Variants in KLHL2 observed in about 807,000 individuals in gnomAD.
KLHL2 encodes kelch-like protein 2.
KLHL2 carries 15 observed loss-of-function variants against 75.8 expected under a neutral mutation model. That is an observed-to-expected ratio of 0.20 (90% CI 0.13 to 0.30). The LOEUF (loss-of-function observed/expected upper bound fraction) is 0.30, where lower values mean the gene tolerates loss of function less well. Ranked by LOEUF, KLHL2 falls within the 10% of genes least tolerant of loss-of-function variation. KLHL2 has a pLI of 1.00. For missense variants in KLHL2, 381 were observed against 741.0 expected (o/e 0.51, Z 5.64); for synonymous variants, 214 against 251.9 (o/e 0.85, Z 1.42).
Position 165,207,753 on chromosome 4 carries a change from C to T in KLHL2, c.-124C>T. 2 of 724,962 alleles carry T rather than the reference C, an allele frequency of 2.8e-6. No individual in the cohort carries two copies. Among genetic ancestry groups the T allele is most frequent in the Non-Finnish European group, 4.0e-6 (2 of 505,832 alleles). 44.9% of individuals were successfully genotyped at this position (724,962 alleles called of 1,614,324 possible). A position where few individuals can be genotyped will look rare whatever the true frequency, so the allele number is the denominator to read the frequency against. On this transcript the variant is annotated 5_prime_UTR_variant, in exon 1 of 15. Transcript: ENST00000226725. The surrounding 1 kb of genome is among the most constrained non-coding windows in gnomAD (Gnocchi z 4.2). The stretch of plus-strand genomic sequence containing the variant: ...AGGTGGTGGCGCGCGGTGAGGAGAG[C>T]GCGGCGCCCCCTCCGGGGCGGATGG...
At position 165,319,231 on chromosome 4, in the gene KLHL2, T is replaced by G. The variant is rs1746797110; in HGVS notation, c.1753+1262T>G. On this transcript the variant is annotated intron_variant, in intron 14 of 14. Coordinates refer to ENST00000226725, the MANE Select transcript of KLHL2 (RefSeq NM_007246.4). The surrounding 1 kb of genome is among the most constrained non-coding windows in gnomAD (Gnocchi z 4.5). Reference sequence around the variant, plus strand: ...ACCTTTGAAAGAGCAGTTTGTCTCTTCAGCGATGCGTATCTCAGTAAAAAG... The same window carrying G: ...ACCTTTGAAAGAGCAGTTTGTCTCTGCAGCGATGCGTATCTCAGTAAAAAG... Among the ~76,000 whole-genome samples, 1 of 152,210 alleles carries G rather than the reference T, an allele frequency of 6.6e-6. No homozygotes were observed. Among genetic ancestry groups the G allele is most frequent in the South Asian group, 2.1e-4 (1 of 4,832 alleles).
chr4:165,311,072 T>C (rs1311065937), intron 10 of KLHL2, among the ~76,000 whole-genome samples: 2 of 152,110 alleles, frequency 1.3e-5, no homozygotes, highest in Non-Finnish European at 2.9e-5. Flanking sequence ...TTAGCCAGGA[T>C]GGTCTCAATC....
chr4:165,281,612 G>A (rs1315137371), intron 5 of KLHL2, among the ~76,000 whole-genome samples: 1 of 152,128 alleles, frequency 6.6e-6, no homozygotes, highest in Non-Finnish European at 1.5e-5. Flanking sequence ...ACCGTGCCCA[G>A]CCCTGATGCT....
At chr4:165,306,547 C>T (rs1745741202) in intron 9 of KLHL2, among the ~76,000 whole-genome samples, 3 of 152,150 alleles carry the variant, frequency 2.0e-5, no homozygotes, top group Admixed American at 1.3e-4. Flanking sequence ...AAAGGATATG[C>T]CAATTATTAC....
intron 5 of KLHL2, among the ~76,000 whole-genome samples, chr4:165,265,757 A>G (rs1742191814): frequency 6.6e-6 from 1 of 152,118 alleles, no homozygotes; most frequent in African/African-American, 2.4e-5. Flanking sequence ...AGTCTTTGCT[A>G]TTGTGAATAG....
At chr4:165,303,880 G>C (rs1419302297) in intron 8 of KLHL2, among the ~76,000 whole-genome samples, 1 of 148,834 alleles carries the variant, frequency 6.7e-6, no homozygotes, top group African/African-American at 2.5e-5. Context: ...AATGTTGTCT[G>C]TTTGTTTGTT....
intron 14 of KLHL2, among the ~76,000 whole-genome samples, chr4:165,320,510 T>C (rs908899697): frequency 1.3e-5 from 2 of 152,178 alleles, no homozygotes; most frequent in South Asian, 4.1e-4. Context: ...AGTGGTCTAC[T>C]TGCCCCTAAA....
chr4:165,320,531 C>T (rs1034065188), intron 14 of KLHL2, among the ~76,000 whole-genome samples: 2 of 152,116 alleles, frequency 1.3e-5, no homozygotes, highest in African/African-American at 4.8e-5. Flanking sequence ...CACAATGTAT[C>T]TAATTCAGCC....
At chr4:165,282,685 CTG>C (rs1743788428) in intron 5 of KLHL2, among the ~76,000 whole-genome samples, 1 of 143,618 alleles carries the variant, frequency 7.0e-6, no homozygotes, top group African/African-American at 2.7e-5. Flanking sequence ...ATAATGCTCT[CTG>C]TAAGATTTTG....
chr4:165,318,964 T>G (rs1746778282), intron 14 of KLHL2, among the ~76,000 whole-genome samples: 1 of 152,170 alleles, frequency 6.6e-6, no homozygotes, highest in South Asian at 2.1e-4. Flanking sequence ...AAGTTAAAAT[T>G]TATCAAAACA....
chr4:165,253,568 C>T (rs1037532979), intron 4 of KLHL2, among the ~76,000 whole-genome samples: 2 of 152,332 alleles, frequency 1.3e-5, no homozygotes, highest in East Asian at 1.9e-4. Flanking sequence ...ATATAATTTA[C>T]ATACTGTAGA....
In KLHL2 at chr4:165,310,647, C is replaced by T; in HGVS notation, c.1134C>T (p.Asp378=). ...RTVDSYDPVK[D]QWTSVANMRD... ...TAGATTCCTACGACCCTGTGAAGGA[C>T]CAGTGGACCAGCGTTGCTAACATGA... Residue 378 remains aspartate, a synonymous_variant, in exon 10 of 15, where the codon GAC becomes GAT. Coordinates refer to ENST00000226725, the MANE Select transcript of KLHL2 (RefSeq NM_007246.4). The T allele has an allele frequency of 1.2e-6, 2 of 1,613,996 alleles. No homozygotes were observed. The highest frequency in any genetic ancestry group is 1.7e-6 in the Non-Finnish European group (2 of 1,179,910).
At chr4:165,240,385 A>T (rs1739718420) in intron 4 of KLHL2, 1 of 152,222 alleles carries the variant, frequency 6.6e-6, no homozygotes, top group African/African-American at 2.4e-5. Context: ...TTCCATGTGA[A>T]ATACTGGCAG....
intron 5 of KLHL2, among the ~76,000 whole-genome samples, chr4:165,294,144 G>A (rs951580618): frequency 6.6e-6 from 1 of 152,138 alleles, no homozygotes; most frequent in Non-Finnish European, 1.5e-5. Context: ...TCCTTGCACT[G>A]CTACTGTGCT....
chr4:165,289,557 A>T (rs1579130676), intron 5 of KLHL2, among the ~76,000 whole-genome samples: 1 of 107,026 alleles, frequency 9.3e-6, no homozygotes, highest in South Asian at 3.2e-4. Flanking sequence ...GTGGTGTTTG[A>T]GTGACAGCTG....
chr4:165,298,014 G>A (rs1416725247), intron 7 of KLHL2, among the ~76,000 whole-genome samples: 1 of 152,220 alleles, frequency 6.6e-6, no homozygotes, highest in Non-Finnish European at 1.5e-5. Flanking sequence ...GTAGAGTTGG[G>A]GTTTTGCCCT....
At chr4:165,250,287 G>C (rs1253026719) in intron 4 of KLHL2, among the ~76,000 whole-genome samples, 1 of 152,144 alleles carries the variant, frequency 6.6e-6, no homozygotes, top group Non-Finnish European at 1.5e-5. Context: ...TCTAGAAGTT[G>C]CCAAGTAGCA....
chr4:165,296,885 G>A (rs977371985), intron 6 of KLHL2, among the ~76,000 whole-genome samples: 2 of 150,406 alleles, frequency 1.3e-5, no homozygotes, highest in African/African-American at 4.9e-5. Context: ...TTCAAACTTT[G>A]CAAAATGTTT....
intron 10 of KLHL2, among the ~76,000 whole-genome samples, 179 bp downstream of exon 10, chr4:165,310,929 A>C (rs1579181263): frequency 1.4e-5 from 2 of 144,974 alleles, no homozygotes; most frequent in African/African-American, 5.2e-5. Context: ...ATCTCGGCTC[A>C]CTGCAAGCTC....
Sources: allele counts gnomAD v4.1 joint callset (sites outside exome capture counted in the v4.1 genomes callset), GRCh38; gene constraint gnomAD v4.1.1; non-coding constraint Gnocchi (gnomAD v3.1); transcripts MANE v1.5; gene names NCBI Gene and HGNC (gene_info 2026-07-23, HGNC 2026-07-21).